SLC39A9: variants seen among roughly 807,000 people sequenced by gnomAD.
The protein encoded by SLC39A9 is zinc transporter ZIP9.
SLC39A9 carries 14 observed loss-of-function variants against 28.4 expected under a neutral mutation model. That is an observed-to-expected ratio of 0.49 (90% confidence interval 0.33 to 0.77). SLC39A9 has a LOEUF of 0.77. Among genes scored for constraint, SLC39A9 ranks in the 30% least tolerant of loss-of-function variants. The pLI, the probability that SLC39A9 is intolerant of heterozygous loss-of-function variation, is 0.02. For missense variants in SLC39A9, 283 were observed against 381.1 expected (o/e 0.74, Z 2.14); for synonymous variants, 119 against 149.6 (o/e 0.80, Z 1.49).
Position 69,459,517 on chromosome 14 carries a change from T to C in SLC39A9, c.*924T>C. 1.0e-5 allele frequency: 10 copies of C among 982,312 alleles called. No individual in the cohort carries two copies. The highest frequency in any genetic ancestry group is 1.2e-5 in the Non-Finnish European group (10 of 827,234). 60.8% of individuals were successfully genotyped at this position (982,312 alleles called of 1,614,324 possible). On this transcript the variant is annotated 3_prime_UTR_variant, in exon 7 of 7. Coordinates refer to ENST00000336643, the MANE Select transcript of SLC39A9 (RefSeq NM_018375.5). ...ATTGATATCTTTGTAGTAGCTTTTT[T>C]TAAAAGACTACCAAAATGTATGGTT...
intron 2 of SLC39A9, among the ~76,000 whole-genome samples, chr14:69,434,497 G>A (rs1884652581): frequency 6.6e-6 from 1 of 152,060 alleles, no homozygotes; most frequent in South Asian, 2.1e-4. Context: ...ATTAACCTGA[G>A]CTACATATGA....
intron 1 of SLC39A9, among the ~76,000 whole-genome samples, chr14:69,413,032 T>G (rs1236003775): frequency 6.6e-6 from 1 of 152,180 alleles, no homozygotes; most frequent in Non-Finnish European, 1.5e-5. Context: ...TTCCAGCTTT[T>G]GGGTTTCATA....
intron 2 of SLC39A9, among the ~76,000 whole-genome samples, chr14:69,429,989 A>T (rs1222778609): frequency 6.6e-6 from 1 of 152,168 alleles, no homozygotes; most frequent in African/African-American, 2.4e-5. Flanking sequence ...CATATGCTTA[A>T]TTGCCATTGT....
At chr14:69,450,841 G>T (rs1458158238) in intron 3 of SLC39A9, among the ~76,000 whole-genome samples, 1 of 152,110 alleles carries the variant, frequency 6.6e-6, no homozygotes, top group Non-Finnish European at 1.5e-5. Context: ...GTTAAATGTA[G>T]CTTGTGTTCC....
At chr14:69,425,971 TAGTTTA>T (rs1884166745) in intron 2 of SLC39A9, among the ~76,000 whole-genome samples, 1 of 152,164 alleles carries the variant, frequency 6.6e-6, no homozygotes, top group African/African-American at 2.4e-5. Flanking sequence ...AGCCCAGGTG[TAGTTTA>T]AGACTAAAAT....
At chr14:69,409,906 T>C (rs1883172772) in intron 1 of SLC39A9, among the ~76,000 whole-genome samples, 1 of 152,242 alleles carries the variant, frequency 6.6e-6, no homozygotes, top group African/African-American at 2.4e-5. Flanking sequence ...CGCTATATTC[T>C]CACAAACATT....
intron 1 of SLC39A9, among the ~76,000 whole-genome samples, chr14:69,415,063 A>G (rs11623094): frequency 0.57 from 86,622 of 152,082 alleles, 25,571 homozygotes; most frequent in African/African-American, 0.72. Flanking sequence ...TTCTCCTGTC[A>G]ATGGACATCT....
At chr14:69,410,987 G>T (rs1470864528) in intron 1 of SLC39A9, among the ~76,000 whole-genome samples, 3 of 152,112 alleles carry the variant, frequency 2.0e-5, no homozygotes, top group Non-Finnish European at 4.4e-5. Context: ...CAAGGCTGGT[G>T]GATCACTTGA....
Position 69,461,691 on chromosome 14 carries a change from T to G in SLC39A9, c.*3098T>G, listed in dbSNP as rs1381792444. ...GTGTCACTGCCTGGTTTTTCTCTTT[T>G]TCAAGGATTAGAACTAAGAGGACAC... On this transcript the variant is annotated 3_prime_UTR_variant, in exon 7 of 7. Coordinates refer to ENST00000336643, the MANE Select transcript of SLC39A9 (RefSeq NM_018375.5). 1.3e-6 allele frequency: 2 copies of G among 1,535,902 alleles called. No individual in the cohort carries two copies. The highest frequency in any genetic ancestry group is 2.7e-5 in the African/African-American group (2 of 73,016).
intron 2 of SLC39A9, among the ~76,000 whole-genome samples, chr14:69,425,376 C>A (rs76688026): frequency 0.12 from 18,742 of 152,156 alleles, 1,381 homozygotes; most frequent in Middle Eastern, 0.24. Context: ...AAATCACTAT[C>A]CTAACATTTG....
At chr14:69,426,033 C>G (rs1401174056) in intron 2 of SLC39A9, among the ~76,000 whole-genome samples, 7 of 152,146 alleles carry the variant, frequency 4.6e-5, no homozygotes, top group Admixed American at 4.6e-4. Context: ...CTCTCTCTAA[C>G]CGTGTTTTTC....
At position 69,461,429 on chromosome 14, in the gene SLC39A9, A is replaced by G. The variant is rs529940662; in HGVS notation, c.*2836A>G. ...ACTATTGCCAAATTTTTTTTTAGCA[A>G]AGATTCTGCACTGGAACGTAGACAG... On this transcript the variant is annotated 3_prime_UTR_variant, in exon 7 of 7. Transcript: ENST00000336643. 3 of 1,276,000 alleles carry G rather than the reference A, an allele frequency of 2.4e-6. No individual in the cohort carries two copies. In the East Asian group the frequency reaches 9.3e-5, roughly 40 times the overall value. The allele number at this position is 1,276,000 out of a possible 1,614,324, so 79.0% of individuals were successfully genotyped here. A position where few individuals can be genotyped will look rare whatever the true frequency, so the allele number is the denominator to read the frequency against.
chr14:69,430,182 G>A (rs1269508237), intron 2 of SLC39A9, among the ~76,000 whole-genome samples: 2 of 152,132 alleles, frequency 1.3e-5, no homozygotes, highest in Non-Finnish European at 2.9e-5. Context: ...CTTTTAGAGA[G>A]CAGTTTTTAA....
In SLC39A9 at chr14:69,460,683, T is replaced by C; in HGVS notation, c.*2090T>C. 1.0e-6 allele frequency: 1 copy of C among 985,478 alleles called. No homozygotes were observed. Among genetic ancestry groups the C allele is most frequent in the South Asian group, 4.7e-5 (1 of 21,284 alleles). The allele number at this position is 985,478 out of a possible 1,614,324, so 61.0% of individuals were successfully genotyped here. On this transcript the variant is annotated 3_prime_UTR_variant, in exon 7 of 7. Transcript: ENST00000336643. ...AGTTTGGCTAGTATATCTTGCTGGA[T>C]GGAGCCTTGAACTCCGGCAAGGATT...
intron 1 of SLC39A9, among the ~76,000 whole-genome samples, chr14:69,403,652 A>T (rs1882757347): frequency 6.6e-6 from 1 of 152,268 alleles, no homozygotes; most frequent in African/African-American, 2.4e-5. Context: ...TGTAATAATC[A>T]TATTGCTCTA....
At position 69,458,994 on chromosome 14, in the gene SLC39A9, C is replaced by T. The variant is rs1885996581; in HGVS notation, c.*401C>T. 3.0e-6 allele frequency: 3 copies of T among 994,528 alleles called. No individual in the cohort carries two copies. The highest frequency in any genetic ancestry group is 3.6e-6 in the Non-Finnish European group (3 of 834,924). The allele number at this position is 994,528 out of a possible 1,614,324, so 61.6% of individuals were successfully genotyped here. A position where few individuals can be genotyped will look rare whatever the true frequency, so the allele number is the denominator to read the frequency against. On this transcript the variant is annotated 3_prime_UTR_variant, in exon 7 of 7. Coordinates refer to ENST00000336643, the MANE Select transcript of SLC39A9 (RefSeq NM_018375.5). ...TCTCTTTCTTCTTAGTTTAGAGGCT[C>T]TGCTACTTTATCCATTGATTTTTAA...
chr14:69,460,197 A>G lies in SLC39A9; in HGVS notation c.*1604A>G, dbSNP rs1055941606. On this transcript the variant is annotated 3_prime_UTR_variant, in exon 7 of 7. Coordinates refer to ENST00000336643, the MANE Select transcript of SLC39A9 (RefSeq NM_018375.5). ...GTTTCTTCAGGGCAGTGGACGTAGTAGTTTGTAAAAACGTTTTCTATGACG... is the reference window on the plus strand; with the variant it reads ...GTTTCTTCAGGGCAGTGGACGTAGTGGTTTGTAAAAACGTTTTCTATGACG... 1 of 985,764 alleles carries G rather than the reference A, an allele frequency of 1.0e-6. No individual in the cohort carries two copies. The highest frequency in any genetic ancestry group is 1.7e-5 in the African/African-American group (1 of 57,262). The allele number at this position is 985,764 out of a possible 1,614,324, so 61.1% of individuals were successfully genotyped here. A position where few individuals can be genotyped will look rare whatever the true frequency, so the allele number is the denominator to read the frequency against.
At chr14:69,428,274 CA>C (rs780805663) in intron 2 of SLC39A9, among the ~76,000 whole-genome samples, 9,291 of 81,986 alleles carry the variant, frequency 0.11, 781 homozygotes, top group African/African-American at 0.3. Flanking sequence ...GACTCTGTCT[CA>C]AAAAAAAAAA....
rs2232054 is a variant in SLC39A9 at position 69,424,069 on chromosome 14, A to G, written c.97-25A>G. On this transcript the variant is annotated intron_variant, in intron 1 of 6. Transcript: ENST00000336643. ...TCCCATTAATTAATCAAAGTTTGCA[A>G]TTATTTCTTTTGCTTTCTCCCCAGG... is the stretch of plus-strand genomic sequence containing the variant. 5.1e-4 allele frequency: 809 copies of G among 1,584,588 alleles called. 4 individuals carry two copies. In the African/African-American group the frequency reaches 9.8e-3, roughly 19 times the overall value.
Sources: gnomAD v4.1 joint callset for allele counts (sites outside exome capture counted in the v4.1 genomes callset) on GRCh38, gnomAD v4.1.1 for gene constraint, MANE v1.5 for transcripts, NCBI Gene and HGNC (gene_info 2026-07-23, HGNC 2026-07-21) for gene names.